VEPH1: variants seen among roughly 807,000 people sequenced by gnomAD.
VEPH1 encodes the protein ventricular zone-expressed PH domain-containing protein homolog 1.
Under a neutral mutation model 85.2 loss-of-function variants are expected in VEPH1, and 80 were observed. The ratio of observed to expected loss-of-function variants is 0.94; its 90% CI spans 0.78 to 1.13. The LOEUF (loss-of-function observed/expected upper bound fraction) is 1.13. Among genes scored for constraint, VEPH1 ranks in the 50% most tolerant of loss-of-function variants. The pLI is 0.00. For missense variants in VEPH1, 955 were observed against 980.5 expected (o/e 0.97, Z 0.35); for synonymous variants, 297 against 348.0 (o/e 0.85, Z 1.63).
intron 9 of VEPH1, among the ~76,000 whole-genome samples, chr3:157,318,946 C>T (rs1721084369): frequency 1.3e-5 from 2 of 152,128 alleles, no homozygotes; most frequent in South Asian, 4.2e-4. Context: ...AGTCAGTCCC[C>T]ACCTAAGACA....
At chr3:157,270,519 G>T (rs1714405115) in intron 12 of VEPH1, among the ~76,000 whole-genome samples, 1 of 151,958 alleles carries the variant, frequency 6.6e-6, no homozygotes. Flanking sequence ...TCCCTTTTCT[G>T]CACCAAGTTA....
At chr3:157,281,815 C>T (rs1367413649) in intron 12 of VEPH1, among the ~76,000 whole-genome samples, 3 of 152,182 alleles carry the variant, frequency 2.0e-5, no homozygotes, top group Admixed American at 1.3e-4. Context: ...GGATTACAGG[C>T]GTGAGCCACT....
At chr3:157,328,981 C>G (rs1387966065) in intron 9 of VEPH1, among the ~76,000 whole-genome samples, 5 of 152,170 alleles carry the variant, frequency 3.3e-5, no homozygotes, top group Non-Finnish European at 1.5e-5. Flanking sequence ...CCAGACAAAT[C>G]TAGACTGTTT....
chr3:157,455,670 T>G (rs1281880818), intron 4 of VEPH1, among the ~76,000 whole-genome samples: 1 of 152,158 alleles, frequency 6.6e-6, no homozygotes, highest in Non-Finnish European at 1.5e-5. Context: ...AGTGACAACA[T>G]GCGGTATTTG....
intron 12 of VEPH1, among the ~76,000 whole-genome samples, chr3:157,266,322 T>G (rs1237301472): frequency 6.6e-6 from 1 of 151,914 alleles, no homozygotes; most frequent in Non-Finnish European, 1.5e-5. Flanking sequence ...CTCTCTGTAT[T>G]CCCATCTTCA....
chr3:157,357,732 A>T (rs1428404044), intron 9 of VEPH1, among the ~76,000 whole-genome samples: 1 of 152,140 alleles, frequency 6.6e-6, no homozygotes, highest in East Asian at 1.9e-4. Context: ...ACCTCAGGTG[A>T]TCCGCCTGCC....
chr3:157,398,268 A>T (rs1289257503), intron 6 of VEPH1, among the ~76,000 whole-genome samples: 1 of 152,184 alleles, frequency 6.6e-6, no homozygotes, highest in African/African-American at 2.4e-5. Flanking sequence ...TTCAGGTCAC[A>T]TACAAATTTG....
intron 3 of VEPH1, among the ~76,000 whole-genome samples, chr3:157,462,548 T>A (rs1029975914): frequency 6.6e-6 from 1 of 152,114 alleles, no homozygotes; most frequent in African/African-American, 2.4e-5. Flanking sequence ...TCAGGTAAAA[T>A]AAATATTATG....
intron 1 of VEPH1, among the ~76,000 whole-genome samples, chr3:157,497,649 C>T (rs1204201200): frequency 6.6e-6 from 1 of 152,144 alleles, no homozygotes; most frequent in African/African-American, 2.4e-5. Context: ...GTCATAGATG[C>T]TCAGGAGCTC....
chr3:157,463,071 G>T (rs190425424), intron 3 of VEPH1, among the ~76,000 whole-genome samples: 120 of 152,276 alleles, frequency 7.9e-4, no homozygotes, highest in African/African-American at 2.9e-3. Context: ...ACCAGATCCT[G>T]GTAATATCAT....
intron 7 of VEPH1, among the ~76,000 whole-genome samples, chr3:157,366,580 C>G (rs1559998098): frequency 6.6e-6 from 1 of 151,918 alleles, no homozygotes; most frequent in Admixed American, 6.6e-5. Flanking sequence ...ACTAAAAATA[C>G]AAAAATTAGC....
intron 3 of VEPH1, among the ~76,000 whole-genome samples, chr3:157,466,931 A>G (rs1736427353): frequency 6.6e-6 from 1 of 152,262 alleles, no homozygotes; most frequent in Non-Finnish European, 1.5e-5. Context: ...TCAATACAAA[A>G]TCAGTAGAAG....
At chr3:157,454,213 A>T (rs1384645039) in intron 4 of VEPH1, among the ~76,000 whole-genome samples, 1 of 152,194 alleles carries the variant, frequency 6.6e-6, no homozygotes, top group Non-Finnish European at 1.5e-5. Flanking sequence ...TATGGGCTTT[A>T]AGCAAATTTA....
At chr3:157,384,808 A>AG (rs1269185697) in intron 6 of VEPH1, among the ~76,000 whole-genome samples, 2 of 152,302 alleles carry the variant, frequency 1.3e-5, no homozygotes, top group Non-Finnish European at 2.9e-5. Flanking sequence ...TAGGGCAGGA[A>AG]GGGGGTTAGG....
chr3:157,413,964 T>C lies in VEPH1; in HGVS notation c.823A>G (p.Met275Val). The C allele has an allele frequency of 5.6e-6, 9 of 1,613,614 alleles. No individual in the cohort carries two copies. The highest frequency in any genetic ancestry group is 7.6e-6 in the Non-Finnish European group (9 of 1,179,724). ...EPVALNSFLP[M>V]LKEIGERFPY... The stretch of plus-strand genomic sequence containing the variant: ...AATCTCTCACCAATCTCTTTCAGCA[T>C]TGGAAGAAAACTGTTCAAAGCCACT... Residue 275 changes from methionine to valine, a missense_variant, in exon 6 of 14, where the codon ATG becomes GTG. Met to Val is a conservative substitution (Grantham distance 21). Coordinates refer to ENST00000362010, the MANE Select transcript of VEPH1 (RefSeq NM_001167912.2).
At chr3:157,386,415 G>A (rs1259148967) in intron 6 of VEPH1, among the ~76,000 whole-genome samples, 1 of 152,116 alleles carries the variant, frequency 6.6e-6, no homozygotes, top group Non-Finnish European at 1.5e-5. Context: ...TTAAGAAGAT[G>A]TGTACTCAGG....
Position 157,460,330 on chromosome 3 carries a change from G to A in VEPH1, c.380C>T (p.Ala127Val). ...LQNYNRPPVM[A>V]LAIPIAVKFL... Reference sequence around the variant, plus strand: ...TTTCACTGCAATGGGGATGGCTAATGCCATCACTGGGGGTCGGTTGTAATT... The same window carrying A: ...TTTCACTGCAATGGGGATGGCTAATACCATCACTGGGGGTCGGTTGTAATT... Residue 127 changes from alanine (A) to valine (V), a missense_variant, in exon 4 of 14, where the codon GCA (alanine) becomes GTA (valine). Ala to Val is a moderately conservative substitution (Grantham distance 64). Coordinates refer to ENST00000362010, the MANE Select transcript of VEPH1 (RefSeq NM_001167912.2). 6.2e-7 allele frequency: 1 copy of A among 1,613,458 alleles called. No homozygotes were observed. The highest frequency in any genetic ancestry group is 2.2e-5 in the East Asian group (1 of 44,862).
chr3:157,337,939 C>T (rs1036176162), intron 9 of VEPH1, among the ~76,000 whole-genome samples: 1 of 151,970 alleles, frequency 6.6e-6, no homozygotes, highest in Non-Finnish European at 1.5e-5. Flanking sequence ...AGTTACCACT[C>T]TGGTTTGAAG....
intron 12 of VEPH1, among the ~76,000 whole-genome samples, chr3:157,267,887 A>G (rs1410407249): frequency 1.3e-5 from 2 of 152,218 alleles, no homozygotes; most frequent in African/African-American, 2.4e-5. Flanking sequence ...GTGTACATGC[A>G]TGCATTTCAG....
Sources: allele counts gnomAD v4.1 joint callset (sites outside exome capture counted in the v4.1 genomes callset), GRCh38; gene constraint gnomAD v4.1.1; transcripts MANE v1.5; gene names NCBI Gene and HGNC (gene_info 2026-07-23, HGNC 2026-07-21).